Variants in SERINC5 observed in about 807,000 individuals in gnomAD.
SERINC5 encodes chromosome 5 open reading frame 12.
Under a neutral mutation model 63.1 loss-of-function variants are expected in SERINC5, and 41 were observed. That is an observed-to-expected ratio of 0.65 (90% CI 0.51 to 0.84). The LOEUF is 0.84. Among genes scored for constraint, SERINC5 ranks in the 40% least tolerant of loss-of-function variants. SERINC5 has a pLI of 0.00. For synonymous variants in SERINC5, 222 were observed against 215.2 expected (o/e 1.03, Z -0.28); for missense variants, 523 against 573.0 (o/e 0.91, Z 0.89).
chr5:80,151,868 C>G (rs1005712978), intron 8 of SERINC5, among the ~76,000 whole-genome samples: 1 of 152,140 alleles, frequency 6.6e-6, no homozygotes, highest in Non-Finnish European at 1.5e-5. Flanking sequence ...AGAAGCTGGT[C>G]TGCTCATGGA....
At chr5:80,151,807 C>T (rs73125972) in intron 8 of SERINC5, among the ~76,000 whole-genome samples, 18,425 of 152,136 alleles carry the variant, frequency 0.12, 1,456 homozygotes, top group African/African-American at 0.22. Flanking sequence ...ACAATCCTGC[C>T]GTCATGTAGC....
At chr5:80,236,345 C>T (rs777380309) in intron 1 of SERINC5, among the ~76,000 whole-genome samples, 5 of 152,138 alleles carry the variant, frequency 3.3e-5, no homozygotes, top group East Asian at 1.9e-4. Flanking sequence ...GAGAACATAC[C>T]GGAACTCAGG....
rs574656230 is a variant in SERINC5, at chr5:80,144,758, C to T, written c.1239-948G>A. The stretch of plus-strand genomic sequence containing the variant: ...CATCTAACACACCATATTTGACTTG[C>T]GTCATAGTCTGTCTCTCCTGCTGGA... On this transcript the variant is annotated intron_variant, in intron 11 of 11. Coordinates refer to ENST00000507668, the MANE Select transcript of SERINC5 (RefSeq NM_001174072.3). Among the ~76,000 whole-genome samples, 85 of 152,282 alleles carry T rather than the reference C, an allele frequency of 5.6e-4. No individual in the cohort carries two copies. In the Middle Eastern group the frequency reaches 0.01, roughly 18 times the overall value.
chr5:80,154,430 T>C (rs1161012712), intron 8 of SERINC5, among the ~76,000 whole-genome samples: 1 of 152,110 alleles, frequency 6.6e-6, no homozygotes, highest in Non-Finnish European at 1.5e-5. Flanking sequence ...CCACCCGCCT[T>C]GCCCTCCCAA....
intron 1 of SERINC5, among the ~76,000 whole-genome samples, chr5:80,213,316 T>C (rs1254463725): frequency 1.3e-5 from 2 of 152,124 alleles, no homozygotes; most frequent in Non-Finnish European, 2.9e-5. Context: ...TTAACACTTA[T>C]TAATCTCTTA....
At chr5:80,179,762 G>C (rs1408321923) in intron 2 of SERINC5, among the ~76,000 whole-genome samples, 1 of 152,180 alleles carries the variant, frequency 6.6e-6, no homozygotes, top group Non-Finnish European at 1.5e-5. Context: ...CACTTTAAAA[G>C]TTTCAAATTT....
chr5:80,202,420 A>G (rs1339330819), intron 2 of SERINC5, among the ~76,000 whole-genome samples: 5 of 152,128 alleles, frequency 3.3e-5, no homozygotes, highest in East Asian at 3.9e-4. Context: ...GATGTGTCCA[A>G]TGATGGACAA....
At chr5:80,191,800 A>C (rs1749208729) in intron 2 of SERINC5, among the ~76,000 whole-genome samples, 1 of 151,966 alleles carries the variant, frequency 6.6e-6, no homozygotes, top group Admixed American at 6.6e-5. Flanking sequence ...CATTATTCTT[A>C]CCTAGTCTAC....
At chr5:80,193,750 C>T (rs775908375) in intron 2 of SERINC5, among the ~76,000 whole-genome samples, 5 of 152,192 alleles carry the variant, frequency 3.3e-5, no homozygotes, top group South Asian at 2.1e-4. Context: ...ACCACTACTT[C>T]CCGACATCCA....
chr5:80,181,403 A>C (rs1161971717), intron 2 of SERINC5, among the ~76,000 whole-genome samples: 1 of 113,642 alleles, frequency 8.8e-6, no homozygotes, highest in Non-Finnish European at 1.9e-5. Flanking sequence ...TGCACCACCA[A>C]GCTCAGCTAA....
chr5:80,232,222 G>A lies in SERINC5; in HGVS notation c.27+23674C>T, dbSNP rs138353088. Among the ~76,000 whole-genome samples, 513 of 150,174 alleles carry A rather than the reference G, an allele frequency of 3.4e-3. 3 individuals carry two copies. The highest frequency in any genetic ancestry group is 0.012 in the African/African-American group (471 of 40,756). On this transcript the variant is annotated intron_variant, in intron 1 of 11. Transcript: ENST00000507668. ...GATCAAGACCATCCTGGCTAACACC[G>A]TAAAACCCTGTCTCTACTAAAAATA...
chr5:80,184,890 T>C (rs1240670681), intron 2 of SERINC5, among the ~76,000 whole-genome samples: 2 of 152,048 alleles, frequency 1.3e-5, no homozygotes, highest in Non-Finnish European at 2.9e-5. Context: ...TGTTGTTTCT[T>C]TTTTTTGATG....
At chr5:80,147,081 C>G (rs1443976856) in intron 10 of SERINC5, among the ~76,000 whole-genome samples, 164 bp downstream of exon 10, 1 of 152,166 alleles carries the variant, frequency 6.6e-6, no homozygotes, top group Non-Finnish European at 1.5e-5. Flanking sequence ...ACTCAGCTAT[C>G]CTTCAGGAAG....
At chr5:80,149,062 T>C (rs945939361) in intron 9 of SERINC5, among the ~76,000 whole-genome samples, 1 of 152,192 alleles carries the variant, frequency 6.6e-6, no homozygotes, top group Non-Finnish European at 1.5e-5. Flanking sequence ...CTGTGAAATG[T>C]GACGCAGGAG....
At chr5:80,164,866 T>TA (rs897439140) in intron 7 of SERINC5, among the ~76,000 whole-genome samples, 7 of 150,886 alleles carry the variant, frequency 4.6e-5, no homozygotes, top group African/African-American at 1.5e-4. Context: ...TTAGGCTAAT[T>TA]AAAAAAATGT....
chr5:80,226,954 G>A (rs1751195814), intron 1 of SERINC5, among the ~76,000 whole-genome samples: 1 of 152,074 alleles, frequency 6.6e-6, no homozygotes. Flanking sequence ...GGAGTGCAGT[G>A]GCATGATCTC....
At chr5:80,230,288 T>C (rs543110645) in intron 1 of SERINC5, among the ~76,000 whole-genome samples, 33 of 152,042 alleles carry the variant, frequency 2.2e-4, no homozygotes, top group Middle Eastern at 3.4e-3. Context: ...CTGGCCAACA[T>C]GGTGAAACCC....
chr5:80,222,377 C>T (rs1353784286), intron 1 of SERINC5, among the ~76,000 whole-genome samples: 1 of 152,092 alleles, frequency 6.6e-6, no homozygotes, highest in Non-Finnish European at 1.5e-5. Flanking sequence ...CTGTTATTAC[C>T]TCACATCATC....
At chr5:80,245,484 T>TG (rs1382535999) in intron 1 of SERINC5, among the ~76,000 whole-genome samples, 1 of 152,204 alleles carries the variant, frequency 6.6e-6, no homozygotes, top group African/African-American at 2.4e-5. Context: ...GAAGAAGCAC[T>TG]GGCCCAGGCA....
Sources: gnomAD v4.1 joint callset for allele counts (sites outside exome capture counted in the v4.1 genomes callset) on GRCh38, gnomAD v4.1.1 for gene constraint, MANE v1.5 for transcripts, NCBI Gene and HGNC (gene_info 2026-07-23, HGNC 2026-07-21) for gene names.